TSHR: variants seen among roughly 807,000 people sequenced by gnomAD.
TSHR encodes thyroid stimulating hormone receptor.
TSHR carries 51 observed loss-of-function variants against 64.1 expected under a neutral mutation model. The ratio of observed to expected loss-of-function variants is 0.80; its 90% CI spans 0.64 to 1.01. TSHR has a LOEUF of 1.01. Among genes scored for constraint, TSHR ranks in the 50% least tolerant of loss-of-function variants. The pLI, the probability that TSHR is intolerant of heterozygous loss-of-function variation, is 0.00. For synonymous variants in TSHR, 361 were observed against 361.9 expected, an observed-to-expected ratio of 1.00 and a Z score of 0.03; for missense variants, 877 against 942.8, an observed-to-expected ratio of 0.93 and a Z score of 0.91.
At chr14:81,088,270 T>C (rs903526086) in intron 4 of TSHR, among the ~76,000 whole-genome samples, 1 of 152,200 alleles carries the variant, frequency 6.6e-6, no homozygotes, top group Admixed American at 6.5e-5. Flanking sequence ...AATGCTATCA[T>C]GTATATGTGG....
intron 9 of TSHR, among the ~76,000 whole-genome samples, chr14:81,140,975 A>T (rs1292372646): frequency 6.6e-6 from 1 of 152,136 alleles, no homozygotes; most frequent in East Asian, 1.9e-4. Context: ...CAAAAAACAA[A>T]ATTAGCCAGA....
intron 4 of TSHR, 132 bp downstream of exon 4, chr14:81,088,160 G>A (rs1390704331): frequency 2.7e-6 from 2 of 738,602 alleles, no homozygotes; most frequent in Non-Finnish European, 4.8e-6. Context: ...TGGGTCGGGG[G>A]CAAGGTATCG....
intron 1 of TSHR, among the ~76,000 whole-genome samples, chr14:81,042,526 A>G (rs1293066431): frequency 1.3e-5 from 2 of 152,190 alleles, no homozygotes; most frequent in Non-Finnish European, 2.9e-5. Flanking sequence ...TAAGTGAAAT[A>G]AGACAGAAAG....
chr14:80,964,372 A>G (rs1269048480), intron 1 of TSHR, among the ~76,000 whole-genome samples: 2 of 152,260 alleles, frequency 1.3e-5, no homozygotes, highest in East Asian at 3.8e-4. Flanking sequence ...TAGTAAGCAT[A>G]GAAAACTAAT....
chr14:80,983,065 A>G (rs754993462), intron 1 of TSHR: 6 of 567,328 alleles, frequency 1.1e-5, no homozygotes, highest in Non-Finnish European at 1.9e-5. Flanking sequence ...CCAAGAGTTT[A>G]TTAATGAAAT....
intron 1 of TSHR, among the ~76,000 whole-genome samples, chr14:81,041,689 T>A (rs971081921): frequency 1.3e-5 from 2 of 152,098 alleles, no homozygotes; most frequent in Non-Finnish European, 2.9e-5. Context: ...AAAATTTTGG[T>A]CAATGATAGC....
chr14:81,146,299 C>G lies in TSHR; in HGVS notation c.*1946C>G, dbSNP rs187891791. The G allele has an allele frequency of 5.2e-6, 1 of 193,306 alleles. No individual in the cohort carries two copies. Among genetic ancestry groups the G allele is most frequent in the African/African-American group, 2.3e-5 (1 of 43,148 alleles). The allele number at this position is 193,306 out of a possible 1,614,324, so 12.0% of individuals were successfully genotyped here. ...ATAAATTTTCTTCCTATGGAATAATCGTGCCAAGTCCTAGAGTGTTGTTCT... is the reference window on the plus strand; with the variant it reads ...ATAAATTTTCTTCCTATGGAATAATGGTGCCAAGTCCTAGAGTGTTGTTCT... On this transcript the variant is annotated 3_prime_UTR_variant, in exon 10 of 10. Coordinates refer to ENST00000298171, the MANE Select transcript of TSHR (RefSeq NM_000369.5).
intron 8 of TSHR, among the ~76,000 whole-genome samples, chr14:81,116,114 T>A (rs1261786745): frequency 2.7e-5 from 4 of 150,690 alleles, no homozygotes; most frequent in African/African-American, 9.8e-5. Context: ...AGGAAGAAAC[T>A]GCATCAACTG....
intron 2 of TSHR, among the ~76,000 whole-genome samples, chr14:81,065,175 G>T (rs936728605): frequency 7.9e-5 from 12 of 152,028 alleles, no homozygotes; most frequent in African/African-American, 2.7e-4. Flanking sequence ...AACAGGAGAG[G>T]CCAGGCTCCT....
intron 1 of TSHR, chr14:80,991,850 G>A (rs895276288): frequency 4.3e-5 from 15 of 345,136 alleles, no homozygotes; most frequent in Admixed American, 3.8e-4. Flanking sequence ...AAAGTGATTC[G>A]GTCATACATA....
chr14:81,102,989 A>G, intron 7 of TSHR: 15 of 985,402 alleles, frequency 1.5e-5, no homozygotes, highest in Non-Finnish European at 1.8e-5. Context: ...ACAATGCTCC[A>G]TCATTCTACC....
intron 1 of TSHR, chr14:81,051,814 C>T (rs1216701049): frequency 6.6e-6 from 1 of 152,092 alleles, no homozygotes; most frequent in Non-Finnish European, 1.5e-5. Context: ...TTAACTATAT[C>T]TGTTGGCCAT....
intron 8 of TSHR, among the ~76,000 whole-genome samples, chr14:81,118,794 T>C (rs1890648482): frequency 6.6e-6 from 1 of 151,886 alleles, no homozygotes; most frequent in Middle Eastern, 3.4e-3. Flanking sequence ...AAGGCTACAG[T>C]AAGCAAAACA....
intron 1 of TSHR, among the ~76,000 whole-genome samples, chr14:80,957,627 AC>A (rs1886770931): frequency 6.6e-6 from 1 of 152,226 alleles, no homozygotes; most frequent in Admixed American, 6.5e-5. Flanking sequence ...TGTGGCTCTG[AC>A]AGTGAAAAGG....
intron 1 of TSHR, among the ~76,000 whole-genome samples, chr14:80,970,783 A>G (rs1346965994): frequency 6.6e-6 from 1 of 152,250 alleles, no homozygotes; most frequent in Non-Finnish European, 1.5e-5. Context: ...TAAAAGGTAG[A>G]AAGGGCAAGA....
intron 1 of TSHR, chr14:80,994,043 C>G (rs1888877763): frequency 1.3e-5 from 2 of 152,296 alleles, no homozygotes; most frequent in African/African-American, 4.8e-5. Flanking sequence ...AAGACCAACC[C>G]CTCCTCTTCC....
chr14:81,033,557 G>GTT (rs373369704), intron 1 of TSHR, among the ~76,000 whole-genome samples: 7 of 102,096 alleles, frequency 6.9e-5, no homozygotes, highest in Admixed American at 9.2e-5. Context: ...TAAAATCAGG[G>GTT]TTTTTTTTTT....
rs377366847 is a variant in TSHR at position 80,955,692 on chromosome 14, G to A, written c.12G>A (p.Ala4=). Residue 4 remains alanine, a synonymous_variant, in exon 1 of 10, where the codon GCG becomes GCA. Coordinates refer to ENST00000298171, the MANE Select transcript of TSHR (RefSeq NM_000369.5). MRP[A]DLLQLVLLLD... Reference sequence around the variant, plus strand: ...GAGTCCCGTGGAAAATGAGGCCGGCGGACTTGCTGCAGCTGGTGCTGCTGC... The same window carrying A: ...GAGTCCCGTGGAAAATGAGGCCGGCAGACTTGCTGCAGCTGGTGCTGCTGC... 8 of 1,613,940 alleles carry A rather than the reference G, an allele frequency of 5.0e-6. No homozygotes were observed. Among genetic ancestry groups the A allele is most frequent in the East Asian group, 2.2e-5 (1 of 44,882 alleles).
At position 81,012,787 on chromosome 14, in the gene TSHR, T is replaced by G. The variant is rs1810298305; in HGVS notation, c.171-49361T>G. 5.3e-5 allele frequency: 8 copies of G among 151,362 alleles called. No individual in the cohort carries two copies. In the South Asian group the frequency reaches 1.7e-3, roughly 31 times the overall value. The allele number at this position is 151,362 out of a possible 1,614,324, so 9.4% of individuals were successfully genotyped here. On this transcript the variant is annotated intron_variant, in intron 1 of 9. Coordinates refer to ENST00000298171, the MANE Select transcript of TSHR (RefSeq NM_000369.5). Reference sequence around the variant, plus strand: ...TCCTTCGCCCACTTTTTGATGGGGTTGTTTGTTTTTTTCTTGTAAATTTGT... The same window carrying G: ...TCCTTCGCCCACTTTTTGATGGGGTGGTTTGTTTTTTTCTTGTAAATTTGT...
Sources: gnomAD v4.1 joint callset for allele counts (sites outside exome capture counted in the v4.1 genomes callset) on GRCh38, gnomAD v4.1.1 for gene constraint, MANE v1.5 for transcripts, NCBI Gene and HGNC (gene_info 2026-07-23, HGNC 2026-07-21) for gene names.